The following AQP12B variants were observed in gnomAD, a reference collection of about 807,000 sequenced individuals.
AQP12B encodes the protein aquaporin 12B, also known as putative aquaporin-12B.
AQP12B carries 8 observed loss-of-function variants against 11.5 expected under a neutral mutation model. The observed-to-expected ratio is 0.70, with a 90% CI of 0.41 to 1.26. The LOEUF is 1.26. Among genes scored for constraint, AQP12B ranks in the 50% most tolerant of loss-of-function variants. The pLI, the probability that AQP12B is intolerant of heterozygous loss-of-function variation, is 0.01. For synonymous variants in AQP12B, 123 were observed against 158.0 expected, an observed-to-expected ratio of 0.78 and a Z score of 1.66; for missense variants, 247 against 322.0, an observed-to-expected ratio of 0.77 and a Z score of 1.78.
upstream of AQP12B, among the ~76,000 whole-genome samples, chr2:240,683,769 G>A (rs1379855828): frequency 6.8e-6 from 1 of 146,580 alleles, no homozygotes; most frequent in Non-Finnish European, 1.5e-5. Flanking sequence ...CTGCCCTCAG[G>A]AGAACTCAGG....
chr2:240,682,722 C>T lies in AQP12B; in HGVS notation c.116G>A (p.Arg39Gln), dbSNP rs201422028. 1.4e-5 allele frequency: 22 copies of T among 1,613,486 alleles called. No individual in the cohort carries two copies. Among genetic ancestry groups the T allele is most frequent in the Admixed American group, 5.0e-5 (3 of 59,984 alleles). ...LPVGAYEVFAREAVGAVQLGA... is the reference protein window; with the variant it reads ...LPVGAYEVFAQEAVGAVQLGA... ...GAGCTGCACCGCGCCCACCGCCTCC[C>T]GGGCGAAGACTTCATAGGCGCCCAC... The change falls in exon 1 of 3, where the codon CGG becomes CAG. Residue 39 changes from arginine (R) to glutamine (Q), a missense_variant. By Grantham distance (43) the Arg-to-Gln change is conservative. Coordinates refer to ENST00000407834, the MANE Select transcript of AQP12B (RefSeq NM_001102467.2).
rs759376823 is a variant in AQP12B at position 240,682,521 on chromosome 2, T to C, written c.317A>G (p.Glu106Gly). The change falls in exon 1 of 3, where the codon GAG (glutamate) becomes GGG (glycine). Residue 106 changes from glutamate to glycine, a missense_variant. Physicochemically the swap from Glu to Gly is moderately conservative, Grantham distance 98. Around this residue, in one of 4 missense-constraint regions of AQP12B, gnomAD observed 206 missense variants for 173.2 expected, o/e 1.19. Transcript: ENST00000407834. ...CTTCAGCAGCGTGCCAGGCAGAGAC[T>C]CCTCGGCCATGAGGAACTCCTGCAG... ...VSLQEFLMAEESLPGTLLKLA... is the reference protein window; with the variant it reads ...VSLQEFLMAEGSLPGTLLKLA... 90 of 1,612,620 alleles carry C rather than the reference T, an allele frequency of 5.6e-5. No individual in the cohort carries two copies. The highest frequency in any genetic ancestry group is 7.3e-5 in the Non-Finnish European group (86 of 1,179,738).
chr2:240,683,496 C>A (rs1232806674), upstream of AQP12B, among the ~76,000 whole-genome samples: 1 of 152,048 alleles, frequency 6.6e-6, no homozygotes, highest in Non-Finnish European at 1.5e-5. Flanking sequence ...TGAGTGCCCC[C>A]TGCTCCCTGC....
chr2:240,683,797 C>T (rs868565155), upstream of AQP12B, among the ~76,000 whole-genome samples: 114 of 147,876 alleles, frequency 7.7e-4, no homozygotes, highest in Middle Eastern at 0.024. Flanking sequence ...CTCACATCAA[C>T]GTCCCTCCCA....
At position 240,682,628 on chromosome 2, in the gene AQP12B, G is replaced by C; in HGVS notation, c.210C>G (p.Asp70Glu). ...LGPWAGDFGP[D>E]LLLTLLFLLF... ...GCAGGAAGAGCAGGGTGAGCAGCAG[G>C]TCAGGCCCAAAGTCCCCAGCCCAGG... The change falls in exon 1 of 3, where the codon GAC becomes GAG. Residue 70 changes from aspartate to glutamate, a missense_variant. This residue lies in a region of AQP12B where 206 missense variants were observed against 173.2 expected (regional missense o/e 1.19). Coordinates refer to ENST00000407834, the MANE Select transcript of AQP12B (RefSeq NM_001102467.2). 4.3e-6 allele frequency: 7 copies of C among 1,613,478 alleles called. No homozygotes were observed. The highest frequency in any genetic ancestry group is 5.9e-6 in the Non-Finnish European group (7 of 1,179,860).
rs763351629 is a variant in AQP12B, at chr2:240,682,703, C to T, written c.135G>A (p.Val45=). The T allele has an allele frequency of 1.2e-6, 2 of 1,613,512 alleles. No homozygotes were observed. Among genetic ancestry groups the T allele is most frequent in the East Asian group, 4.5e-5 (2 of 44,866 alleles). Residue 45 remains valine, a synonymous_variant, in exon 1 of 3, where the codon GTG becomes GTA. Coordinates refer to ENST00000407834, the MANE Select transcript of AQP12B (RefSeq NM_001102467.2). ...EVFAREAVGA[V]QLGACFLEMR... ...TCTCCAGGAAGCAGGCCCCGAGCTG[C>T]ACCGCGCCCACCGCCTCCCGGGCGA...
upstream of AQP12B, chr2:240,683,030 G>T: frequency 1.3e-6 from 1 of 741,956 alleles, no homozygotes; most frequent in Non-Finnish European, 2.2e-6. Flanking sequence ...TGGCCACAGG[G>T]GCCCTGCCCC....
chr2:240,682,589 G>A lies in AQP12B; in HGVS notation c.249C>T (p.His83=), dbSNP rs373980987. The A allele has an allele frequency of 3.8e-5, 61 of 1,613,320 alleles. No homozygotes were observed. Among genetic ancestry groups the A allele is most frequent in the South Asian group, 6.6e-5 (6 of 91,042 alleles). The part of the protein sequence containing the change: ...LTLLFLLFLA[H]GVTLDGASAN... The stretch of plus-strand genomic sequence containing the variant: ...CCGAGGCCCCGTCCAAGGTGACCCC[G>A]TGCGCCAGGAAGAGCAGGAAGAGCA... Residue 83 remains histidine (H), a synonymous_variant, in exon 1 of 3, where the codon CAC becomes CAT. Transcript: ENST00000407834.
chr2:240,683,286 C>T (rs1379448173), upstream of AQP12B, among the ~76,000 whole-genome samples: 8 of 149,678 alleles, frequency 5.3e-5, no homozygotes, highest in African/African-American at 1.7e-4. Flanking sequence ...TTTCCGCCTC[C>T]CTGCATGGAT....
upstream of AQP12B, among the ~76,000 whole-genome samples, chr2:240,683,552 C>T (rs3889031): frequency 7.2e-4 from 109 of 150,950 alleles, 4 homozygotes; most frequent in African/African-American, 2.4e-3. Context: ...CACGTGGCTG[C>T]GTCCCTGCCT....
chr2:240,683,544 C>T (rs1243702185), upstream of AQP12B, among the ~76,000 whole-genome samples: 13 of 152,130 alleles, frequency 8.5e-5, no homozygotes, highest in African/African-American at 1.9e-4. Context: ...GCCCCCTGCA[C>T]GTGGCTGCGT....
Position 240,682,415 on chromosome 2 carries a change from G to A in AQP12B, c.423C>T (p.His141=), listed in dbSNP as rs2043937844. ...LCWAWELSDL[H]LLQSLMAQSC... ...TCTGGGCCATGAGGCTCTGCAGCAGGTGCAGGTCACTGAGCTCCCAGGCCC... is the reference window on the plus strand; with the variant it reads ...TCTGGGCCATGAGGCTCTGCAGCAGATGCAGGTCACTGAGCTCCCAGGCCC... Residue 141 remains histidine (H), a synonymous_variant, in exon 1 of 3, where the codon CAC becomes CAT. Transcript: ENST00000407834. 6 of 1,599,064 alleles carry A rather than the reference G, an allele frequency of 3.8e-6. No individual in the cohort carries two copies. Among genetic ancestry groups the A allele is most frequent in the Non-Finnish European group, 5.1e-6 (6 of 1,173,068 alleles).
upstream of AQP12B, among the ~76,000 whole-genome samples, chr2:240,683,660 G>A (rs1303206491): frequency 1.4e-5 from 2 of 144,638 alleles, no homozygotes; most frequent in Non-Finnish European, 3.1e-5. Context: ...GGTCTGGTCT[G>A]GGTGAGACCC....
chr2:240,680,918 C>CAG, intron 1 of AQP12B, among the ~76,000 whole-genome samples: 1 of 83,250 alleles, frequency 1.2e-5, no homozygotes, highest in Non-Finnish European at 2.1e-5. Context: ...AGAGGAGAGA[C>CAG]AGAGAGAGAG....
At chr2:240,682,955 G>A (rs2043964294), upstream of AQP12B, 2 of 1,341,530 alleles carry the variant, frequency 1.5e-6, 1 homozygote, top group Non-Finnish European at 2.1e-6. Flanking sequence ...CTGGGCCTCT[G>A]GGAACACCAC....
In AQP12B at chr2:240,682,704, A is replaced by T; in HGVS notation, c.134T>A (p.Val45Glu). The part of the protein sequence containing the change: ...EVFAREAVGA[V>E]QLGACFLEMR... ...CTCCAGGAAGCAGGCCCCGAGCTGC[A>T]CCGCGCCCACCGCCTCCCGGGCGAA... Residue 45 changes from valine (V) to glutamate (E), a missense_variant, in exon 1 of 3, where the codon GTG becomes GAG. By Grantham distance (121) the Val-to-Glu change is moderately radical (BLOSUM62 -2). Coordinates refer to ENST00000407834, the MANE Select transcript of AQP12B (RefSeq NM_001102467.2). 1 of 1,613,344 alleles carries T rather than the reference A, an allele frequency of 6.2e-7. No individual in the cohort carries two copies. The highest frequency in any genetic ancestry group is 8.5e-7 in the Non-Finnish European group (1 of 1,179,788).
chr2:240,683,670 C>T (rs1369355680), upstream of AQP12B, among the ~76,000 whole-genome samples: 2 of 144,198 alleles, frequency 1.4e-5, no homozygotes, highest in African/African-American at 5.2e-5. Context: ...GGGTGAGACC[C>T]TCCTCCACCT....
upstream of AQP12B, among the ~76,000 whole-genome samples, chr2:240,683,548 G>T (rs1326425728): frequency 6.6e-6 from 1 of 151,988 alleles, no homozygotes; most frequent in Admixed American, 6.5e-5. Flanking sequence ...CCTGCACGTG[G>T]CTGCGTCCCT....
chr2:240,682,527 G>A lies in AQP12B; in HGVS notation c.311C>T (p.Ala104Val). 1.9e-6 allele frequency: 3 copies of A among 1,612,950 alleles called. No individual in the cohort carries two copies. The highest frequency in any genetic ancestry group is 2.5e-6 in the Non-Finnish European group (3 of 1,179,776). ...PTVSLQEFLM[A>V]EESLPGTLLK... ...CAGCGTGCCAGGCAGAGACTCCTCGGCCATGAGGAACTCCTGCAGGGACAC... is the reference window on the plus strand; with the variant it reads ...CAGCGTGCCAGGCAGAGACTCCTCGACCATGAGGAACTCCTGCAGGGACAC... The change falls in exon 1 of 3, where the codon GCC becomes GTC. Residue 104 changes from alanine to valine, a missense_variant. By Grantham distance (64) the Ala-to-Val change is moderately conservative. Transcript: ENST00000407834.
Sources: gnomAD v4.1 joint callset for allele counts (sites outside exome capture counted in the v4.1 genomes callset) on GRCh38, gnomAD v4.1.1 for gene constraint, gnomAD v4.1.1 regional missense constraint, MANE v1.5 for transcripts, NCBI Gene and HGNC (gene_info 2026-07-23, HGNC 2026-07-21) for gene names.